Variants in SCP2 observed in about 807,000 individuals in gnomAD.
SCP2 encodes the protein sterol carrier protein 2, also known as SCP-2/3-oxoacyl-CoA thiolase.
SCP2 carries 48 observed loss-of-function variants against 71.4 expected under a neutral mutation model. The observed-to-expected ratio is 0.67, with a 90% CI of 0.53 to 0.86. The LOEUF is 0.86. Ranked by LOEUF, SCP2 falls within the 40% of genes least tolerant of loss-of-function variation. The pLI, the probability that SCP2 is intolerant of heterozygous loss-of-function variation, is 0.00. For missense variants in SCP2, 560 were observed against 655.6 expected (o/e 0.85, Z 1.59); for synonymous variants, 220 against 218.1 (o/e 1.01, Z -0.08).
At chr1:52,982,494 T>C (rs1048111825) in intron 10 of SCP2, among the ~76,000 whole-genome samples, 6 of 152,002 alleles carry the variant, frequency 3.9e-5, no homozygotes, top group South Asian at 2.1e-4. Context: ...GGCGTGAACC[T>C]GGGAGGCGGA....
At chr1:53,025,422 T>G (rs1662053759) in intron 12 of SCP2, among the ~76,000 whole-genome samples, 1 of 152,220 alleles carries the variant, frequency 6.6e-6, no homozygotes, top group Non-Finnish European at 1.5e-5. Flanking sequence ...CCCTCTCCAC[T>G]GAGCTCCAGA....
chr1:52,994,234 C>T, intron 11 of SCP2: 4 of 1,011,466 alleles, frequency 4.0e-6, no homozygotes, highest in Non-Finnish European at 4.7e-6. Flanking sequence ...GTCACTGAAG[C>T]CTTTAAGAGT....
At chr1:53,041,032 A>T (rs1355239148) in intron 14 of SCP2, among the ~76,000 whole-genome samples, 1 of 152,148 alleles carries the variant, frequency 6.6e-6, no homozygotes, top group African/African-American at 2.4e-5. Flanking sequence ...CTGTACTGTT[A>T]TGCTTCTCTT....
intron 1 of SCP2, among the ~76,000 whole-genome samples, chr1:52,928,506 G>C (rs1175953997): frequency 6.6e-6 from 1 of 152,214 alleles, no homozygotes; most frequent in African/African-American, 2.4e-5. Flanking sequence ...ATAGGCCGGG[G>C]CCGGTGGCTC....
At chr1:53,043,807 C>A (rs964128755) in intron 14 of SCP2, among the ~76,000 whole-genome samples, 1 of 152,112 alleles carries the variant, frequency 6.6e-6, no homozygotes, top group Non-Finnish European at 1.5e-5. Context: ...TTTTTTACCT[C>A]GTGCTCTTTG....
At chr1:52,967,519 T>C (rs776844158) in intron 6 of SCP2, among the ~76,000 whole-genome samples, 4 of 152,160 alleles carry the variant, frequency 2.6e-5, no homozygotes, top group Admixed American at 6.6e-5. Context: ...TTTGTTTATT[T>C]TGAGATGGAG....
chr1:52,930,211 A>G (rs1653014777), intron 1 of SCP2, among the ~76,000 whole-genome samples: 1 of 152,146 alleles, frequency 6.6e-6, no homozygotes. Flanking sequence ...TACATCTTAC[A>G]TCACAATCCA....
intron 11 of SCP2, among the ~76,000 whole-genome samples, chr1:53,001,398 T>A (rs760598992): frequency 1.3e-5 from 2 of 152,198 alleles, no homozygotes; most frequent in Non-Finnish European, 2.9e-5. Flanking sequence ...AGGAAGCATG[T>A]TTAAACCAAA....
At chr1:52,995,731 C>A (rs1659887309) in intron 11 of SCP2, 1 of 770,920 alleles carries the variant, frequency 1.3e-6, no homozygotes, top group Non-Finnish European at 2.4e-6. Context: ...GGATCCCCAA[C>A]AACATCAAGA....
intron 12 of SCP2, among the ~76,000 whole-genome samples, chr1:53,019,175 G>A (rs1202304345): frequency 6.6e-6 from 1 of 152,102 alleles, no homozygotes; most frequent in African/African-American, 2.4e-5. Context: ...ACTTAATGTG[G>A]CATCTACCAT....
intron 7 of SCP2, among the ~76,000 whole-genome samples, chr1:52,975,658 A>G (rs1472523112): frequency 6.6e-6 from 1 of 152,194 alleles, no homozygotes; most frequent in African/African-American, 2.4e-5. Context: ...GTACTTGTAT[A>G]ATATTATCGG....
intron 13 of SCP2, among the ~76,000 whole-genome samples, chr1:53,034,937 C>G (rs796852631): frequency 1.1e-4 from 17 of 152,202 alleles, no homozygotes; most frequent in African/African-American, 4.1e-4. Flanking sequence ...AACCCCGTCT[C>G]TACTAAAAAT....
intron 5 of SCP2, among the ~76,000 whole-genome samples, chr1:52,960,488 G>A (rs1437668407): frequency 3.1e-5 from 4 of 129,406 alleles, no homozygotes; most frequent in Admixed American, 7.4e-5. Flanking sequence ...ATATGTGTGT[G>A]TGTGTGTGTG....
At chr1:52,940,302 G>A (rs529127681) in intron 1 of SCP2, 1 of 154,314 alleles carries the variant, frequency 6.5e-6, no homozygotes, top group South Asian at 2.0e-4. Flanking sequence ...TACTGTGGGT[G>A]CAAAGGGAGC....
At chr1:52,945,053 A>G (rs186704196) in intron 2 of SCP2, among the ~76,000 whole-genome samples, 1 of 152,208 alleles carries the variant, frequency 6.6e-6, no homozygotes, top group Admixed American at 6.5e-5. Flanking sequence ...TATTGTAACG[A>G]ATAATTATAT....
intron 5 of SCP2, among the ~76,000 whole-genome samples, chr1:52,959,021 A>T (rs1279678323): frequency 6.6e-6 from 1 of 152,106 alleles, no homozygotes; most frequent in Non-Finnish European, 1.5e-5. Context: ...CACCACACCC[A>T]GTCTAGTTTT....
chr1:52,990,761 TTAAAG>T, intron 11 of SCP2, among the ~76,000 whole-genome samples: 1 of 117,034 alleles, frequency 8.5e-6, no homozygotes, highest in South Asian at 2.7e-4. Flanking sequence ...AAAAAAAAAA[TTAAAG>T]GTATAGGTGG....
At chr1:52,935,418 C>A (rs931687205) in intron 1 of SCP2, among the ~76,000 whole-genome samples, 2 of 151,298 alleles carry the variant, frequency 1.3e-5, no homozygotes, top group African/African-American at 4.9e-5. Flanking sequence ...CGCAAAACCC[C>A]GTTTTTATTA....
intron 15 of SCP2, chr1:53,049,310 C>T (rs1048774568): frequency 6.6e-6 from 1 of 152,244 alleles, no homozygotes; most frequent in Non-Finnish European, 1.5e-5. Context: ...TTTCCTTCAG[C>T]ACCTGTTAAC....
Sources: allele counts gnomAD v4.1 joint callset (sites outside exome capture counted in the v4.1 genomes callset), GRCh38; gene constraint gnomAD v4.1.1; transcripts MANE v1.5; gene names NCBI Gene and HGNC (gene_info 2026-07-23, HGNC 2026-07-21).